AKR1C8: variants seen among roughly 807,000 people sequenced by gnomAD.
AKR1C8 encodes aldo-keto reductase family 1 member C-like protein 1.
At chr10:5,142,655 C>T in the AKR1C8 span, among the ~76,000 whole-genome samples, 5,015 of 152,162 alleles carry the variant, frequency 0.033, 280 homozygotes, top group African/African-American at 0.12. Context: ...GTCACTGAAG[C>T]GGTCAGAAGA....
chr10:5,174,782 T>C, the AKR1C8 span, among the ~76,000 whole-genome samples: 1 of 151,758 alleles, frequency 6.6e-6, no homozygotes, highest in Non-Finnish European at 1.5e-5. Flanking sequence ...GACATAAAAA[T>C]AAATATTTTG....
At chr10:5,163,686 A>T in the AKR1C8 span, among the ~76,000 whole-genome samples, 1 of 152,202 alleles carries the variant, frequency 6.6e-6, no homozygotes, top group Non-Finnish European at 1.5e-5. Context: ...AATGGCCTGA[A>T]AAATCAGGCT....
the AKR1C8 span, chr10:5,155,607 G>T: frequency 7.6e-6 from 3 of 392,746 alleles, no homozygotes; most frequent in Non-Finnish European, 1.6e-5. Flanking sequence ...ATGTAGGGAA[G>T]ATGTGTTCCC....
At chr10:5,176,728 A>C in the AKR1C8 span, among the ~76,000 whole-genome samples, 66 of 152,084 alleles carry the variant, frequency 4.3e-4, 1 homozygote, top group African/African-American at 1.0e-3. Flanking sequence ...GTATTTTATT[A>C]TCTTTGAAGC....
the AKR1C8 span, among the ~76,000 whole-genome samples, chr10:5,179,063 C>A: frequency 6.6e-6 from 1 of 152,174 alleles, no homozygotes; most frequent in African/African-American, 2.4e-5. Flanking sequence ...GATGCAGTTT[C>A]TTCCTAGCCT....
chr10:5,155,855 T>C, the AKR1C8 span: 2 of 386,534 alleles, frequency 5.2e-6, no homozygotes, highest in Admixed American at 3.3e-5. Context: ...AAGGATGGCA[T>C]TGGGGGAAGC....
the AKR1C8 span, among the ~76,000 whole-genome samples, chr10:5,166,511 A>C: frequency 6.6e-6 from 1 of 152,222 alleles, no homozygotes; most frequent in Non-Finnish European, 1.5e-5. Context: ...GATCTTTGAC[A>C]AACCTGACAA....
At chr10:5,128,640 TATATC>T in the AKR1C8 span, among the ~76,000 whole-genome samples, 2 of 151,990 alleles carry the variant, frequency 1.3e-5, no homozygotes, top group Non-Finnish European at 2.9e-5. Flanking sequence ...TTGCTACTCT[TATATC>T]AGACAAAACA....
the AKR1C8 span, among the ~76,000 whole-genome samples, chr10:5,178,628 G>C: frequency 2.0e-5 from 3 of 152,118 alleles, no homozygotes; most frequent in African/African-American, 2.4e-5. Flanking sequence ...TCTCTTTGTA[G>C]GTCACTCAGG....
At chr10:5,132,462 A>T in the AKR1C8 span, 1 of 722,718 alleles carries the variant, frequency 1.4e-6, no homozygotes, top group Non-Finnish European at 1.9e-6. Context: ...CTTTTATTTT[A>T]GTTTTAATAC....
At chr10:5,159,642 A>C in the AKR1C8 span, among the ~76,000 whole-genome samples, 6 of 152,066 alleles carry the variant, frequency 3.9e-5, no homozygotes, top group African/African-American at 1.4e-4. Context: ...CTCCAGACCA[A>C]AGCTGCCATT....
chr10:5,135,283 T>C, the AKR1C8 span: 1 of 182,460 alleles, frequency 5.5e-6, no homozygotes, highest in Non-Finnish European at 1.2e-5. Context: ...ATCCAGCATT[T>C]ATATTCACAG....
At chr10:5,130,763 T>C in the AKR1C8 span, among the ~76,000 whole-genome samples, 1 of 151,704 alleles carries the variant, frequency 6.6e-6, no homozygotes, top group Non-Finnish European at 1.5e-5. Flanking sequence ...AAAACACTGC[T>C]AAAAGAAATG....
At chr10:5,142,790 G>A in the AKR1C8 span, among the ~76,000 whole-genome samples, 2 of 152,200 alleles carry the variant, frequency 1.3e-5, no homozygotes, top group East Asian at 3.9e-4. Flanking sequence ...TAATACAGTG[G>A]AAGTTTGAAA....
the AKR1C8 span, among the ~76,000 whole-genome samples, chr10:5,175,988 C>T: frequency 6.6e-6 from 1 of 151,938 alleles, no homozygotes; most frequent in Non-Finnish European, 1.5e-5. Context: ...TTAATTAGAT[C>T]CCATTTGTCA....
the AKR1C8 span, among the ~76,000 whole-genome samples, chr10:5,120,261 C>T: frequency 2.0e-5 from 3 of 152,146 alleles, no homozygotes; most frequent in Non-Finnish European, 2.9e-5. Context: ...GGCTTACTGT[C>T]GATAAATATG....
chr10:5,150,964 T>C, the AKR1C8 span, among the ~76,000 whole-genome samples: 1 of 152,130 alleles, frequency 6.6e-6, no homozygotes, highest in African/African-American at 2.4e-5. Context: ...CAAATCAGTC[T>C]CCCTGAAGAC....
chr10:5,163,366 G>A, the AKR1C8 span, among the ~76,000 whole-genome samples: 2 of 152,178 alleles, frequency 1.3e-5, no homozygotes, highest in East Asian at 1.9e-4. Context: ...CTGTCTGACA[G>A]CTGTTGTAAA....
At chr10:5,123,896 G>C in the AKR1C8 span, 8 of 1,407,142 alleles carry the variant, frequency 5.7e-6, no homozygotes, top group East Asian at 2.0e-4. Flanking sequence ...ACAGATTAAA[G>C]TAAAAGGAGG....
Sources: gnomAD v4.1 joint callset for allele counts (sites outside exome capture counted in the v4.1 genomes callset) on GRCh38, gnomAD v4.1.1 for gene constraint, MANE v1.5 for transcripts, NCBI Gene and HGNC (gene_info 2026-07-23, HGNC 2026-07-21) for gene names.